The following GREB1 variants were observed in gnomAD, a reference collection of about 807,000 sequenced individuals.
GREB1 encodes the protein growth regulating estrogen receptor binding 1.
GREB1 carries 106 observed loss-of-function variants against 200.7 expected under a neutral mutation model. The observed-to-expected ratio is 0.53, with a 90% confidence interval of 0.45 to 0.62. The LOEUF (loss-of-function observed/expected upper bound fraction) is 0.62. GREB1 is among the 20% of genes least tolerant of loss of function. GREB1 has a pLI of 0.00. For missense variants in GREB1, 2,243 were observed against 2,556.8 expected (o/e 0.88, Z 2.65); for synonymous variants, 1,132 against 1,092.4 (o/e 1.04, Z -0.72).
chr2:11,589,676 G>A (rs1418038113), intron 10 of GREB1, among the ~76,000 whole-genome samples: 1 of 152,244 alleles, frequency 6.6e-6, no homozygotes, highest in Non-Finnish European at 1.5e-5. Flanking sequence ...CAGACGCAGT[G>A]GCGGAAATGG....
At chr2:11,591,222 G>A (rs1680695689) in intron 10 of GREB1, among the ~76,000 whole-genome samples, 1 of 152,144 alleles carries the variant, frequency 6.6e-6, no homozygotes, top group African/African-American at 2.4e-5. Context: ...AATCAAAGAG[G>A]GAGATATAAG....
intron 17 of GREB1, among the ~76,000 whole-genome samples, chr2:11,606,065 G>A (rs1460101454): frequency 5.3e-5 from 8 of 152,138 alleles, no homozygotes; most frequent in African/African-American, 7.2e-5. Flanking sequence ...TGGTATACAC[G>A]GGGGGTTAAC....
At chr2:11,522,885 T>C (rs1673748878) in intron 1 of GREB1, among the ~76,000 whole-genome samples, 1 of 152,234 alleles carries the variant, frequency 6.6e-6, no homozygotes, top group Non-Finnish European at 1.5e-5. Context: ...CTGTCATCCA[T>C]CCTGTGCACC....
chr2:11,524,345 C>T (rs981532180), intron 1 of GREB1, among the ~76,000 whole-genome samples: 5 of 152,066 alleles, frequency 3.3e-5, no homozygotes, highest in Non-Finnish European at 5.9e-5. Context: ...AATTGACAGC[C>T]ATTAGGTTGG....
chr2:11,562,556 T>C lies in GREB1; in HGVS notation c.251T>C (p.Leu84Pro). The change falls in exon 3 of 33, where the codon CTG becomes CCG. Residue 84 changes from leucine to proline, a missense_variant. Physicochemically the swap from Leu to Pro is moderately conservative, Grantham distance 98. This residue lies in a region of GREB1 where 1,178 missense variants were observed against 1,387.4 expected (regional missense o/e 0.85). Coordinates refer to ENST00000381486, the MANE Select transcript of GREB1 (RefSeq NM_014668.4). Reference sequence around the variant, plus strand: ...CCAAACCCTTTCCAGCTGCACCCTCTGCCTGAAGGATGCTGTACCACAGAC... The same window carrying C: ...CCAAACCCTTTCCAGCTGCACCCTCCGCCTGAAGGATGCTGTACCACAGAC... ...GPPNPFQLHPLPEGCCTTDGF... is the reference protein window; with the variant it reads ...GPPNPFQLHPPPEGCCTTDGF... 6.3e-7 allele frequency: 1 copy of C among 1,599,930 alleles called. No individual in the cohort carries two copies. The highest frequency in any genetic ancestry group is 8.5e-7 in the Non-Finnish European group (1 of 1,174,070).
chr2:11,632,426 T>C (rs964420398), intron 27 of GREB1, among the ~76,000 whole-genome samples: 6 of 150,632 alleles, frequency 4.0e-5, no homozygotes, highest in Non-Finnish European at 7.4e-5. Flanking sequence ...GCAGCCTTTG[T>C]CTTACGGGTT....
At chr2:11,566,695 A>T (rs766101133) in intron 4 of GREB1, 39 bp downstream of exon 4, 2 of 1,575,878 alleles carry the variant, frequency 1.3e-6, no homozygotes. Flanking sequence ...CTCCTTCTGC[A>T]TGGGGTAGAG....
Position 11,592,906 on chromosome 2 carries a change from C to A in GREB1, c.1476C>A (p.Ala492=). 1 of 1,590,212 alleles carries A rather than the reference C, an allele frequency of 6.3e-7. No individual in the cohort carries two copies. The highest frequency in any genetic ancestry group is 8.6e-7 in the Non-Finnish European group (1 of 1,168,496). Residue 492 remains alanine, a synonymous_variant, in exon 11 of 33, where the codon GCC becomes GCA. Transcript: ENST00000381486. ...AGCCCTTCCCGCCCGCGCCCAGCGC[C>A]GCGGCACCCGTGACCTCCGCGCAGC... ...PPQPFPPAPS[A]AAPVTSAQLP... is the part of the protein sequence containing the mutation.
At chr2:11,598,578 C>T in intron 14 of GREB1, 102 bp from the exon 15 acceptor site, 1 of 1,010,812 alleles carries the variant, frequency 9.9e-7, no homozygotes, top group Non-Finnish European at 1.5e-6. Flanking sequence ...CTGAGTCTAG[C>T]TCAGGACCTG....
chr2:11,618,762 G>A lies in GREB1; in HGVS notation c.3887G>A (p.Arg1296His), dbSNP rs772428608. 1.3e-5 allele frequency: 21 copies of A among 1,612,666 alleles called. No homozygotes were observed. The highest frequency in any genetic ancestry group is 4.4e-5 in the South Asian group (4 of 91,014). ...TCGGTCATGTGGGCCAGCTCTTTCC[G>A]CCCCCTGCTCAGCAAGACCATGACA... Reference protein sequence around the residue: ...SPSVMWASSFRPLLSKTMTST... With the variant: ...SPSVMWASSFHPLLSKTMTST... Residue 1296 changes from arginine to histidine, a missense_variant, in exon 22 of 33, where the codon CGC becomes CAC. Coordinates refer to ENST00000381486, the MANE Select transcript of GREB1 (RefSeq NM_014668.4).
At chr2:11,547,204 A>G (rs1203871700) in intron 1 of GREB1, among the ~76,000 whole-genome samples, 1 of 152,170 alleles carries the variant, frequency 6.6e-6, no homozygotes, top group East Asian at 1.9e-4. Context: ...CGGCCTCCCA[A>G]AGTGCTGGGA....
chr2:11,603,403 T>C (rs1212143187), intron 17 of GREB1, among the ~76,000 whole-genome samples: 3 of 152,246 alleles, frequency 2.0e-5, no homozygotes, highest in Non-Finnish European at 2.9e-5. Flanking sequence ...TTCCAAGGTA[T>C]ACTGCTTTGG....
upstream of GREB1, among the ~76,000 whole-genome samples, chr2:11,529,320 G>T (rs1673986975): frequency 6.6e-6 from 1 of 152,200 alleles, no homozygotes. Flanking sequence ...AAAGAAACGA[G>T]AAACAGATAG....
At chr2:11,618,951 C>T (rs770034811) in intron 22 of GREB1, 32 bp downstream of exon 22, 11 of 1,452,356 alleles carry the variant, frequency 7.6e-6, no homozygotes, top group Non-Finnish European at 1.0e-5. Context: ...AGCACAGCCC[C>T]GGACTGGGGG....
At chr2:11,595,412 A>G (rs1004524200) in intron 12 of GREB1, 33 bp downstream of exon 12, 1 of 1,604,890 alleles carries the variant, frequency 6.2e-7, no homozygotes, top group African/African-American at 1.3e-5. Flanking sequence ...GCACATGCGT[A>G]TGTTAATAGG....
At position 11,618,275 on chromosome 2, in the gene GREB1, C is replaced by T. The variant is rs755925232; in HGVS notation, c.3413-13C>T. ...CTTCTAGGACGTCCCTGACCATGTT[C>T]GTCTCTCCTCAGGTTCAGCGCTCGG... On this transcript the variant is annotated splice_polypyrimidine_tract_variant and intron_variant, in intron 21 of 32. Transcript: ENST00000381486. The T allele has an allele frequency of 1.6e-5, 24 of 1,499,228 alleles. No homozygotes were observed. The highest frequency in any genetic ancestry group is 5.7e-5 in the African/African-American group (4 of 69,680). The allele number at this position is 1,499,228 out of a possible 1,614,324, so 92.9% of individuals were successfully genotyped here.
intron 12 of GREB1, among the ~76,000 whole-genome samples, 195 bp from the exon 13 acceptor site, chr2:11,595,916 T>A (rs1681165233): frequency 6.6e-6 from 1 of 152,150 alleles, no homozygotes; most frequent in South Asian, 2.1e-4. Context: ...CTGCTATGTC[T>A]GTGTGGGGGG....
chr2:11,503,818 C>CT (rs1327594386), intron 1 of GREB1, among the ~76,000 whole-genome samples: 1 of 148,130 alleles, frequency 6.8e-6, no homozygotes, highest in Non-Finnish European at 1.5e-5. Flanking sequence ...CATATTCTGA[C>CT]TTTAACAGGT....
Position 11,629,881 on chromosome 2 carries a change from G to A in GREB1, c.4450-67G>A. On this transcript the variant is annotated intron_variant, in intron 25 of 32. Coordinates refer to ENST00000381486, the MANE Select transcript of GREB1 (RefSeq NM_014668.4). The surrounding 1 kb of genome is among the most constrained non-coding windows in gnomAD (Gnocchi z 5.2). ...GCTGCACGTTGTCACAGCAGAGTGG[G>A]CCTGGGGTCTTCTGGGAAGCAGGCC... 6.6e-7 allele frequency: 1 copy of A among 1,513,892 alleles called. No individual in the cohort carries two copies. The allele number at this position is 1,513,892 out of a possible 1,614,324, so 93.8% of individuals were successfully genotyped here.
Sources: gnomAD v4.1 joint callset for allele counts (sites outside exome capture counted in the v4.1 genomes callset) on GRCh38, gnomAD v4.1.1 for gene constraint, gnomAD v4.1.1 regional missense constraint, Gnocchi (gnomAD v3.1) non-coding constraint, MANE v1.5 for transcripts, NCBI Gene and HGNC (gene_info 2026-07-23, HGNC 2026-07-21) for gene names.